Variants in PAX5 observed in about 807,000 individuals in gnomAD.
PAX5 encodes the protein paired box protein Pax-5.
In PAX5, 9 loss-of-function variants were observed where a neutral mutation model predicts 43.7. The ratio of observed to expected loss-of-function variants is 0.21; its 90% CI spans 0.12 to 0.36. The LOEUF (loss-of-function observed/expected upper bound fraction) is 0.36, where lower values mean the gene tolerates loss of function less well. Ranked by LOEUF, PAX5 falls within the 10% of genes least tolerant of loss-of-function variation. The pLI is 1.00. For missense variants in PAX5, 383 were observed against 532.7 expected (o/e 0.72, Z 2.77); for synonymous variants, 228 against 214.3 (o/e 1.06, Z -0.56).
intron 8 of PAX5, among the ~76,000 whole-genome samples, chr9:36,856,279 T>C (rs1365345955): frequency 6.6e-6 from 1 of 152,202 alleles, no homozygotes; most frequent in African/African-American, 2.4e-5. Flanking sequence ...GTCCCGATCT[T>C]TGCTAGAAAC....
chr9:36,937,711 C>G (rs1831680481), intron 6 of PAX5, among the ~76,000 whole-genome samples: 2 of 152,212 alleles, frequency 1.3e-5, no homozygotes, highest in African/African-American at 4.8e-5. Context: ...CAAATCCTGG[C>G]TGAAGAATGA....
chr9:37,033,947 C>T lies in PAX5; in HGVS notation c.46+39G>A, dbSNP rs1193944959. 8 of 1,606,688 alleles carry T rather than the reference C, an allele frequency of 5.0e-6. No individual in the cohort carries two copies. In the East Asian group the frequency reaches 1.8e-4, roughly 36 times the overall value. On this transcript the variant is annotated intron_variant, in intron 1 of 9. Transcript: ENST00000358127. ...GTGGGGACCAAGGCCTGGCCGTGTC[C>T]CGGAGTTTGCACATCTGGAGCCCGT...
chr9:37,003,048 G>T (rs543758824), intron 4 of PAX5, among the ~76,000 whole-genome samples: 1 of 151,752 alleles, frequency 6.6e-6, no homozygotes, highest in Non-Finnish European at 1.5e-5. Flanking sequence ...ACGGGGACAC[G>T]GGGACAGGAA....
chr9:37,016,567 T>C (rs944065), intron 2 of PAX5, among the ~76,000 whole-genome samples: 1 of 152,076 alleles, frequency 6.6e-6, no homozygotes, highest in Admixed American at 6.5e-5. Context: ...CAGGGGGGGA[T>C]AATTGACATA....
chr9:36,923,040 T>C (rs992942088), intron 7 of PAX5: 1 of 317,184 alleles, frequency 3.2e-6, no homozygotes, highest in Non-Finnish European at 5.8e-6. Flanking sequence ...AAATAAACCC[T>C]AGGCCTCTGA....
intron 5 of PAX5, among the ~76,000 whole-genome samples, chr9:36,987,055 C>A (rs7032055): frequency 0.014 from 2,156 of 152,288 alleles, 43 homozygotes; most frequent in African/African-American, 0.047. Flanking sequence ...CACAGCCCTC[C>A]GAAGCAGATA....
At chr9:36,861,859 A>G (rs10118431) in intron 8 of PAX5, among the ~76,000 whole-genome samples, 130,634 of 152,094 alleles carry the variant, frequency 0.86, 56,122 homozygotes, top group Middle Eastern at 0.89. Context: ...CACTGCAGCC[A>G]CGTTGTTGTG....
At chr9:36,988,900 C>G (rs993327834) in intron 5 of PAX5, among the ~76,000 whole-genome samples, 10 of 152,154 alleles carry the variant, frequency 6.6e-5, no homozygotes, top group African/African-American at 2.4e-4. Context: ...GAATTATTAT[C>G]CCCCTTTGAC....
At chr9:36,907,221 G>T (rs1260343375) in intron 7 of PAX5, among the ~76,000 whole-genome samples, 1 of 152,198 alleles carries the variant, frequency 6.6e-6, no homozygotes, top group African/African-American at 2.4e-5. Flanking sequence ...AAGATTAAAT[G>T]AACCAAAGTA....
intron 5 of PAX5, among the ~76,000 whole-genome samples, chr9:36,988,658 G>A (rs141882272): frequency 0.013 from 733 of 55,610 alleles, 8 homozygotes; most frequent in African/African-American, 0.056. Flanking sequence ...GTGAGACCCT[G>A]TCTCAAAAAA....
At chr9:36,888,586 AG>A (rs1056182689) in intron 7 of PAX5, among the ~76,000 whole-genome samples, 8 of 152,222 alleles carry the variant, frequency 5.3e-5, no homozygotes, top group African/African-American at 1.9e-4. Context: ...TACCGACAAA[AG>A]GTAGATTCGT....
chr9:36,977,517 TG>T (rs369482916), intron 5 of PAX5, among the ~76,000 whole-genome samples: 6 of 151,886 alleles, frequency 4.0e-5, no homozygotes, highest in Non-Finnish European at 5.9e-5. Flanking sequence ...TTGTTTTTTT[TG>T]GGGTTTTTTT....
intron 6 of PAX5, among the ~76,000 whole-genome samples, chr9:36,952,338 C>G (rs1833082663): frequency 1.4e-5 from 2 of 140,858 alleles, no homozygotes; most frequent in African/African-American, 5.2e-5. Context: ...CTCCCAAGTT[C>G]AAGTAATTCT....
chr9:37,034,101 T>G lies in PAX5; in HGVS notation c.-70A>C. On this transcript the variant is annotated 5_prime_UTR_variant, in exon 1 of 10. Transcript: ENST00000358127. ...ACTTTTTTGTGCCTTTTTTTTTCTT[T>G]TTTTTTTTTTTTTTTTTTTTTTTTT... 1 of 295,656 alleles carries G rather than the reference T, an allele frequency of 3.4e-6. No individual in the cohort carries two copies. Among genetic ancestry groups the G allele is most frequent in the Non-Finnish European group, 5.9e-6 (1 of 168,370 alleles). The allele number at this position is 295,656 out of a possible 1,614,324, so 18.3% of individuals were successfully genotyped here. A position where few individuals can be genotyped will look rare whatever the true frequency, so the allele number is the denominator to read the frequency against.
intron 8 of PAX5, among the ~76,000 whole-genome samples, chr9:36,864,765 G>A (rs771064897): frequency 3.5e-4 from 54 of 152,214 alleles, no homozygotes; most frequent in African/African-American, 9.6e-4. Flanking sequence ...GAGGGAGGCC[G>A]CCAAGCTGTC....
intron 9 of PAX5, among the ~76,000 whole-genome samples, chr9:36,845,286 T>C (rs1822456891): frequency 6.6e-6 from 1 of 152,110 alleles, no homozygotes; most frequent in African/African-American, 2.4e-5. Flanking sequence ...TCAAGACTCA[T>C]CTCCCTACCC....
At chr9:36,856,141 C>T (rs1823644911) in intron 8 of PAX5, among the ~76,000 whole-genome samples, 1 of 152,210 alleles carries the variant, frequency 6.6e-6, no homozygotes, top group African/African-American at 2.4e-5. Flanking sequence ...ACAGGGCTTG[C>T]CCACAATACC....
chr9:36,856,639 G>C (rs970639292), intron 8 of PAX5: 1 of 152,018 alleles, frequency 6.6e-6, no homozygotes, highest in Non-Finnish European at 1.5e-5. Context: ...CCAGGTTCAC[G>C]CCATTCTCCT....
In PAX5 at chr9:36,838,125, C is replaced by G. The variant is rs2131557969; in HGVS notation, c.*2435G>C. 2 of 233,298 alleles carry G rather than the reference C, an allele frequency of 8.6e-6. No homozygotes were observed. Among genetic ancestry groups the G allele is most frequent in the Non-Finnish European group, 1.7e-5 (2 of 118,072 alleles). The allele number at this position is 233,298 out of a possible 1,614,324, so 14.5% of individuals were successfully genotyped here. A position where few individuals can be genotyped will look rare whatever the true frequency, so the allele number is the denominator to read the frequency against. On this transcript the variant is annotated 3_prime_UTR_variant, in exon 10 of 10. Transcript: ENST00000358127. ...CAGGTGGAAGCTGCAGCCAGCTCAC[C>G]CTGGCTCCTGGAGGTGGACTCTGGC...
Sources: allele counts gnomAD v4.1 joint callset (sites outside exome capture counted in the v4.1 genomes callset), GRCh38; gene constraint gnomAD v4.1.1; transcripts MANE v1.5; gene names NCBI Gene and HGNC (gene_info 2026-07-23, HGNC 2026-07-21).